Variants in UNC79 observed in about 807,000 individuals in gnomAD.
UNC79 encodes unc-79 subunit of NALCN channel complex, also known as protein unc-79 homolog.
In UNC79, 37 loss-of-function variants were observed where a neutral mutation model predicts 283.1. The observed-to-expected ratio is 0.13, with a 90% CI of 0.10 to 0.17. The LOEUF (loss-of-function observed/expected upper bound fraction) is 0.17, where lower values mean the gene tolerates loss of function less well. Among genes scored for constraint, UNC79 ranks in the 10% least tolerant of loss-of-function variants. The pLI is 1.00. For missense variants in UNC79, 2,272 were observed against 3,211.1 expected (o/e 0.71, Z 7.07); for synonymous variants, 1,107 against 1,200.2 (o/e 0.92, Z 1.61).
At position 93,404,493 on chromosome 14, in the gene UNC79, A is replaced by AAAAAAATAT; in HGVS notation, c.-350-63177_-350-63176insAAAAATATA. On this transcript the variant is annotated intron_variant, in intron 1 of 49. Transcript: ENST00000256339. ...TGACAGAGTGAGACCTTCTAAAAAAAATATATATATATATATATATAAATA... is the reference window on the plus strand; with the variant it reads ...TGACAGAGTGAGACCTTCTAAAAAAAAAAAAATATATATATATATATATATATATAAATA... Among the ~76,000 whole-genome samples the AAAAAAATAT allele has an allele frequency of 6.0e-4, 37 of 61,496 alleles. 1 individual carries two copies. Among genetic ancestry groups the AAAAAAATAT allele is most frequent in the South Asian group, 4.1e-3 (9 of 2,176 alleles). 40.3% of individuals were successfully genotyped at this position (61,496 alleles called of 152,430 possible). A position where few individuals can be genotyped will look rare whatever the true frequency, so the allele number is the denominator to read the frequency against.
chr14:93,401,003 A>C (rs1453443458), intron 1 of UNC79, among the ~76,000 whole-genome samples: 1 of 152,194 alleles, frequency 6.6e-6, no homozygotes, highest in Non-Finnish European at 1.5e-5. Flanking sequence ...ATTATGAGAA[A>C]TAAAATCAGG....
downstream of UNC79, chr14:93,707,581 T>C (rs905710894): frequency 2.0e-5 from 3 of 152,266 alleles, no homozygotes; most frequent in African/African-American, 7.2e-5. Context: ...GTTTTGTGAA[T>C]AATAAATTTT....
chr14:93,525,030 G>A (rs1326156186), intron 8 of UNC79, among the ~76,000 whole-genome samples: 2 of 152,160 alleles, frequency 1.3e-5, no homozygotes, highest in Non-Finnish European at 2.9e-5. Flanking sequence ...ACCAAAAACT[G>A]GCAGAGGAGT....
In UNC79 at chr14:93,669,641, T is replaced by C. The variant is rs553474675; in HGVS notation, c.6637-3710T>C. 2.0e-5 allele frequency among the ~76,000 whole-genome samples: 3 copies of C among 152,226 alleles called. No homozygotes were observed. In the South Asian group the frequency reaches 6.2e-4, roughly 32 times the overall value. ...TACAAGCCTTGTATGTGTATTAAGG[T>C]AACCCTGAGCCTGGGTAACATGGCA... On this transcript the variant is annotated intron_variant, in intron 40 of 48. Transcript: ENST00000555664.
At chr14:93,484,234 T>G (rs1566982271) in intron 4 of UNC79, among the ~76,000 whole-genome samples, 1 of 152,212 alleles carries the variant, frequency 6.6e-6, no homozygotes, top group African/African-American at 2.4e-5. Context: ...TTTTTAGCAC[T>G]GTATCCCCAG....
chr14:93,343,550 C>T (rs746833925), intron 1 of UNC79, among the ~76,000 whole-genome samples: 5 of 151,790 alleles, frequency 3.3e-5, no homozygotes, highest in Non-Finnish European at 7.4e-5. Flanking sequence ...TTTTTTTTTC[C>T]TCCCCTATTT....
At chr14:93,485,999 C>T (rs762088591) in intron 4 of UNC79, among the ~76,000 whole-genome samples, 2 of 152,098 alleles carry the variant, frequency 1.3e-5, no homozygotes, top group Non-Finnish European at 2.9e-5. Context: ...TTCTATTATA[C>T]ATGTGTTCTA....
intron 40 of UNC79, among the ~76,000 whole-genome samples, chr14:93,669,486 C>T (rs575110958): frequency 6.8e-4 from 103 of 152,066 alleles, no homozygotes; most frequent in Non-Finnish European, 1.2e-3. Flanking sequence ...AGAATGGAGA[C>T]CCTGATGCCA....
intron 1 of UNC79, among the ~76,000 whole-genome samples, chr14:93,371,362 G>T (rs913750763): frequency 2.6e-5 from 4 of 151,984 alleles, no homozygotes; most frequent in Non-Finnish European, 4.4e-5. Flanking sequence ...ACTCCAGCCT[G>T]GGTGGCAGAG....
At chr14:93,382,692 A>G (rs2139991755) in intron 1 of UNC79, among the ~76,000 whole-genome samples, 2 of 152,330 alleles carry the variant, frequency 1.3e-5, no homozygotes, top group East Asian at 3.9e-4. Context: ...CTGAGAGGTT[A>G]AATGACTTGC....
intron 17 of UNC79, among the ~76,000 whole-genome samples, chr14:93,576,895 C>T (rs1256924719): frequency 6.6e-6 from 1 of 152,104 alleles, no homozygotes; most frequent in African/African-American, 2.4e-5. Flanking sequence ...CCTCTAATCC[C>T]AGCACTTCAG....
At chr14:93,380,547 C>T (rs577604046) in intron 1 of UNC79, among the ~76,000 whole-genome samples, 1 of 152,236 alleles carries the variant, frequency 6.6e-6, no homozygotes, top group Admixed American at 6.5e-5. Context: ...ATGAGTACAC[C>T]CTATGCATAT....
At chr14:93,515,438 T>G (rs2060010565) in intron 7 of UNC79, among the ~76,000 whole-genome samples, 1 of 152,176 alleles carries the variant, frequency 6.6e-6, no homozygotes. Context: ...TTGTTTTGTT[T>G]TCTTGTCTTC....
In UNC79 at chr14:93,537,229, C is replaced by T. The variant is rs536217712; in HGVS notation, c.1123-760C>T. 2.0e-5 allele frequency among the ~76,000 whole-genome samples: 3 copies of T among 152,336 alleles called. No individual in the cohort carries two copies. In the East Asian group the frequency reaches 5.8e-4, roughly 29 times the overall value. On this transcript the variant is annotated intron_variant, in intron 11 of 48. Transcript: ENST00000555664. ...TGGGTGCTGCCTCACTCCTCTGCCT[C>T]CCGCCAGGGCAGCTTGAACAGTACC...
intron 47 of UNC79, among the ~76,000 whole-genome samples, chr14:93,697,654 C>G (rs2075245507): frequency 6.6e-6 from 1 of 152,016 alleles, no homozygotes; most frequent in Admixed American, 6.6e-5. Flanking sequence ...GCCTGTAATC[C>G]TAGTGCTTTG....
exon 27 of UNC79, chr14:93,612,896 T>A (rs2066412473): frequency 6.2e-7 from 1 of 1,613,838 alleles, no homozygotes; most frequent in Non-Finnish European, 8.5e-7. Context: ...ACAGTGCTCA[T>A]GAAGTTCATG....
intron 1 of UNC79, among the ~76,000 whole-genome samples, chr14:93,431,724 A>G (rs375916265): frequency 2.0e-5 from 3 of 152,266 alleles, no homozygotes; most frequent in Non-Finnish European, 4.4e-5. Context: ...TTTGTAGGGC[A>G]GCCCATAGCA....
intron 5 of UNC79, 110 bp downstream of exon 5, chr14:93,487,865 T>A: frequency 2.0e-6 from 2 of 1,003,334 alleles, no homozygotes; most frequent in South Asian, 2.0e-5. Flanking sequence ...CATAGAGATG[T>A]GTAGAAAACA....
chr14:93,509,652 C>G (rs1047017537), intron 7 of UNC79, among the ~76,000 whole-genome samples: 1 of 152,190 alleles, frequency 6.6e-6, no homozygotes, highest in African/African-American at 2.4e-5. Context: ...CCATGTATCA[C>G]ATCCAGGCCA....
Sources: gnomAD v4.1 joint callset for allele counts (sites outside exome capture counted in the v4.1 genomes callset) on GRCh38, gnomAD v4.1.1 for gene constraint, MANE v1.5 for transcripts, NCBI Gene and HGNC (gene_info 2026-07-23, HGNC 2026-07-21) for gene names.